Variants in CCSER1 observed in about 807,000 individuals in gnomAD.
CCSER1 encodes serine-rich coiled-coil domain-containing protein 1.
A neutral mutation model predicts 82.0 loss-of-function variants in CCSER1; 41 were observed. The ratio of observed to expected loss-of-function variants is 0.50; its 90% CI spans 0.39 to 0.65. The LOEUF (loss-of-function observed/expected upper bound fraction) is 0.65. Among genes scored for constraint, CCSER1 ranks in the 30% least tolerant of loss-of-function variants. CCSER1 has a pLI of 0.00. For missense variants in CCSER1, 1,119 were observed against 1,064.2 expected (o/e 1.05, Z -0.72); for synonymous variants, 414 against 383.9 (o/e 1.08, Z -0.92).
chr4:90,973,057 ACTG>A (rs1735269353), intron 9 of CCSER1, among the ~76,000 whole-genome samples: 1 of 151,792 alleles, frequency 6.6e-6, no homozygotes, highest in East Asian at 1.9e-4. Context: ...AAACTATAAA[ACTG>A]CTAGAAGAAA....
chr4:91,158,272 C>T (rs1430631687), intron 10 of CCSER1, among the ~76,000 whole-genome samples: 1 of 151,884 alleles, frequency 6.6e-6, no homozygotes, highest in Admixed American at 6.6e-5. Flanking sequence ...TTCTTTTTGC[C>T]TAATCATATA....
At chr4:90,529,418 T>A (rs1001285023) in intron 5 of CCSER1, among the ~76,000 whole-genome samples, 1 of 152,004 alleles carries the variant, frequency 6.6e-6, no homozygotes, top group Admixed American at 6.6e-5. Context: ...TTAATGGAGA[T>A]GAAGTTTCAC....
chr4:90,924,212 G>T (rs1324412598), intron 9 of CCSER1, among the ~76,000 whole-genome samples: 1 of 152,024 alleles, frequency 6.6e-6, no homozygotes. Flanking sequence ...CTTATTTTTA[G>T]CACTTTGCTG....
chr4:90,608,640 T>C (rs573386520), intron 5 of CCSER1, among the ~76,000 whole-genome samples: 1 of 152,158 alleles, frequency 6.6e-6, no homozygotes, highest in East Asian at 1.9e-4. Flanking sequence ...TAATAGATAC[T>C]ATTAATAAAA....
chr4:91,121,505 A>G (rs1727086474), intron 10 of CCSER1, among the ~76,000 whole-genome samples: 1 of 151,710 alleles, frequency 6.6e-6, no homozygotes, highest in Admixed American at 6.6e-5. Flanking sequence ...ATTGTAAAGA[A>G]AAATTACATT....
intron 1 of CCSER1, among the ~76,000 whole-genome samples, chr4:90,276,238 C>CTT (rs768824138): frequency 9.0e-6 from 1 of 111,102 alleles, no homozygotes; most frequent in Non-Finnish European, 1.8e-5. Flanking sequence ...TTCTTTCTTT[C>CTT]TTTCTTTCTT....
chr4:90,258,703 GTTTTA>G (rs1723785981), intron 1 of CCSER1, among the ~76,000 whole-genome samples: 1 of 152,060 alleles, frequency 6.6e-6, no homozygotes, highest in African/African-American at 2.4e-5. Flanking sequence ...ATATGTGTTA[GTTTTA>G]TTTTTTATTT....
At chr4:90,181,670 A>G (rs985171176) in intron 1 of CCSER1, among the ~76,000 whole-genome samples, 5 of 152,170 alleles carry the variant, frequency 3.3e-5, no homozygotes, top group African/African-American at 1.2e-4. Flanking sequence ...TGAAACTTCA[A>G]AGAACAACTT....
At chr4:90,492,703 A>G (rs1352552712) in intron 5 of CCSER1, among the ~76,000 whole-genome samples, 2 of 152,124 alleles carry the variant, frequency 1.3e-5, no homozygotes, top group African/African-American at 2.4e-5. Flanking sequence ...TGTCCCAGAG[A>G]TTCTGATATG....
At chr4:91,514,545 G>A (rs1010368593) in intron 10 of CCSER1, among the ~76,000 whole-genome samples, 6 of 151,984 alleles carry the variant, frequency 3.9e-5, no homozygotes, top group Non-Finnish European at 8.8e-5. Context: ...GCTGTCAGTG[G>A]GGTTTTTAAT....
intron 8 of CCSER1, among the ~76,000 whole-genome samples, chr4:90,907,378 T>A (rs1371036303): frequency 6.6e-6 from 1 of 151,132 alleles, no homozygotes; most frequent in Non-Finnish European, 1.5e-5. Context: ...GAGGGAATGT[T>A]TGGGACTTGA....
intron 10 of CCSER1, among the ~76,000 whole-genome samples, chr4:91,589,901 T>TAC (rs768009678): frequency 0.07 from 10,258 of 146,810 alleles, 472 homozygotes; most frequent in Non-Finnish European, 0.1. Context: ...ATCACACATA[T>TAC]ACACACACAC....
intron 10 of CCSER1, among the ~76,000 whole-genome samples, chr4:91,100,164 C>A (rs1724912381): frequency 6.6e-6 from 1 of 150,394 alleles, no homozygotes; most frequent in Non-Finnish European, 1.5e-5. Context: ...ACTCCCCAGA[C>A]CCTTTATATA....
At position 91,065,348 on chromosome 4, in the gene CCSER1, AAT is replaced by A. The variant is rs1288539178; in HGVS notation, c.2173-20599_2173-20598del. On this transcript the variant is annotated intron_variant, in intron 9 of 10. Coordinates refer to ENST00000509176, the MANE Select transcript of CCSER1 (RefSeq NM_001145065.2). ...TGGGAAATATTGCGTAATTTGGTGT[AAT>A]ATTGTACAAAACAGTGATGTACATT... Among the ~76,000 whole-genome samples, 7 of 152,302 alleles carry A rather than the reference AAT, an allele frequency of 4.6e-5. No homozygotes were observed. The South Asian group carries it at 6.2e-4, about 14-fold the overall frequency.
intron 9 of CCSER1, among the ~76,000 whole-genome samples, chr4:90,930,939 T>C (rs113139606): frequency 0.1 from 13,557 of 134,968 alleles, 1,741 homozygotes; most frequent in African/African-American, 0.29. Flanking sequence ...TATATATATA[T>C]ACACATGACA....
At chr4:91,545,556 A>G (rs1219592837) in intron 10 of CCSER1, among the ~76,000 whole-genome samples, 1 of 152,154 alleles carries the variant, frequency 6.6e-6, no homozygotes, top group Non-Finnish European at 1.5e-5. Flanking sequence ...GCTAATATAA[A>G]TAGTAATGTG....
intron 3 of CCSER1, among the ~76,000 whole-genome samples, chr4:90,396,623 G>A (rs1751998205): frequency 6.6e-6 from 1 of 151,668 alleles, no homozygotes; most frequent in Non-Finnish European, 1.5e-5. Flanking sequence ...ATTCTATTTA[G>A]TCATACTGAT....
chr4:91,529,440 T>C (rs1760918516), intron 10 of CCSER1, among the ~76,000 whole-genome samples: 1 of 152,110 alleles, frequency 6.6e-6, no homozygotes, highest in Non-Finnish European at 1.5e-5. Flanking sequence ...TTACATTAAA[T>C]GGAAATTAAT....
At chr4:90,991,155 T>TC (rs927181593) in intron 9 of CCSER1, among the ~76,000 whole-genome samples, 1 of 151,850 alleles carries the variant, frequency 6.6e-6, no homozygotes, top group African/African-American at 2.4e-5. Flanking sequence ...CCTTCAGGTC[T>TC]CTTTTTTTTT....
Sources: gnomAD v4.1 joint callset for allele counts (sites outside exome capture counted in the v4.1 genomes callset) on GRCh38, gnomAD v4.1.1 for gene constraint, MANE v1.5 for transcripts, NCBI Gene and HGNC (gene_info 2026-07-23, HGNC 2026-07-21) for gene names.